Variants in GAREM1 observed in about 807,000 individuals in gnomAD.
The protein encoded by GAREM1 is GRB2 associated regulator of MAPK1 subtype 1, also known as GRB2-associated and regulator of MAPK protein 1.
Under a neutral mutation model 71.3 loss-of-function variants are expected in GAREM1, and 26 were observed. The observed-to-expected ratio is 0.36, with a 90% confidence interval of 0.27 to 0.51. The LOEUF is 0.51. Ranked by LOEUF, GAREM1 falls within the 20% of genes least tolerant of loss-of-function variation. The pLI is 0.95. For synonymous variants in GAREM1, 440 were observed against 433.2 expected, an observed-to-expected ratio of 1.02 and a Z score of -0.20; for missense variants, 1,026 against 1,103.1, an observed-to-expected ratio of 0.93 and a Z score of 0.99.
At chr18:32,378,057 T>TGTGCGCGC (rs1293817110) in intron 2 of GAREM1, among the ~76,000 whole-genome samples, 1 of 127,526 alleles carries the variant, frequency 7.8e-6, no homozygotes, top group African/African-American at 3.0e-5. Flanking sequence ...TGTGTGTGTG[T>TGTGCGCGC]GCGCGCGGGC....
intron 2 of GAREM1, among the ~76,000 whole-genome samples, chr18:32,376,930 G>A (rs867951022): frequency 2.0e-5 from 3 of 152,176 alleles, no homozygotes; most frequent in South Asian, 2.1e-4. Flanking sequence ...ACACTTACAT[G>A]ATGTTTAGTA....
chr18:32,324,422 C>T (rs1331115145), intron 2 of GAREM1, among the ~76,000 whole-genome samples: 3 of 152,034 alleles, frequency 2.0e-5, no homozygotes, highest in Non-Finnish European at 4.4e-5. Context: ...AGAGGAGAGA[C>T]AATAATACAA....
In GAREM1 at chr18:32,312,414, T is replaced by C. The variant is rs751116923; in HGVS notation, c.263-2091A>G. Among the ~76,000 whole-genome samples, 3 of 152,088 alleles carry C rather than the reference T, an allele frequency of 2.0e-5. No individual in the cohort carries two copies. The East Asian group carries it at 5.8e-4, about 29-fold the overall frequency. ...TGGTGAGTGGGTGTCAAATGCTGCT[T>C]ACAGGACAGTGAAATGAGGGCTGAA... On this transcript the variant is annotated intron_variant, in intron 2 of 5. Coordinates refer to ENST00000269209, the MANE Select transcript of GAREM1 (RefSeq NM_001242409.2).
chr18:32,358,256 G>A (rs917930068), intron 2 of GAREM1, among the ~76,000 whole-genome samples: 1 of 151,846 alleles, frequency 6.6e-6, no homozygotes, highest in African/African-American at 2.4e-5. Flanking sequence ...GGGACTCCCA[G>A]TCTGCCATGC....
At chr18:32,437,315 T>A (rs553953554) in intron 1 of GAREM1, among the ~76,000 whole-genome samples, 64 of 152,286 alleles carry the variant, frequency 4.2e-4, no homozygotes, top group African/African-American at 1.4e-3. Flanking sequence ...TGGGATGGCA[T>A]CATCTCAGGG....
At chr18:32,286,183 A>T (rs904464896) in intron 4 of GAREM1, among the ~76,000 whole-genome samples, 4 of 152,234 alleles carry the variant, frequency 2.6e-5, no homozygotes, top group African/African-American at 9.6e-5. Context: ...TGCCAATTGA[A>T]GAACATGGTC....
intron 2 of GAREM1, among the ~76,000 whole-genome samples, chr18:32,381,983 A>T (rs2048102282): frequency 6.6e-6 from 1 of 152,180 alleles, no homozygotes; most frequent in South Asian, 2.1e-4. Flanking sequence ...CACCTGTTAG[A>T]GCACTCACAA....
intron 2 of GAREM1, among the ~76,000 whole-genome samples, chr18:32,379,609 C>G (rs889148665): frequency 6.6e-6 from 1 of 150,726 alleles, no homozygotes; most frequent in African/African-American, 2.4e-5. Flanking sequence ...GAGGCTGAGG[C>G]AAGGAAAATC....
intron 2 of GAREM1, among the ~76,000 whole-genome samples, chr18:32,358,003 A>G (rs1189165044): frequency 6.6e-6 from 1 of 152,204 alleles, no homozygotes; most frequent in Non-Finnish European, 1.5e-5. Flanking sequence ...ACTGCCTTTA[A>G]AATTACTTTA....
intron 2 of GAREM1, among the ~76,000 whole-genome samples, chr18:32,318,158 G>A (rs1315645695): frequency 6.6e-6 from 1 of 152,116 alleles, no homozygotes; most frequent in Non-Finnish European, 1.5e-5. Context: ...CCAATGACAT[G>A]CTCGCTGATT....
intron 2 of GAREM1, among the ~76,000 whole-genome samples, chr18:32,315,734 A>G (rs2047372348): frequency 6.6e-6 from 1 of 151,980 alleles, no homozygotes; most frequent in Non-Finnish European, 1.5e-5. Context: ...GTACTGTTCA[A>G]GTCGTTAAAT....
At position 32,380,166 on chromosome 18, in the gene GAREM1, A is replaced by G. The variant is rs146110216; in HGVS notation, c.262+12729T>C. Among the ~76,000 whole-genome samples the G allele has an allele frequency of 6.1e-3, 927 of 152,234 alleles. 11 individuals carry two copies. The highest frequency in any genetic ancestry group is 0.021 in the African/African-American group (886 of 41,526). On this transcript the variant is annotated intron_variant, in intron 2 of 5. Transcript: ENST00000269209. ...CATTTTTCTATAAGTCTGAGCAATG[A>G]CTGGTTATGATTTAGAAATCAAGTC...
At chr18:32,390,416 T>C (rs1189076245) in intron 2 of GAREM1, among the ~76,000 whole-genome samples, 3 of 152,222 alleles carry the variant, frequency 2.0e-5, no homozygotes, top group Non-Finnish European at 4.4e-5. Flanking sequence ...CAGACACTCA[T>C]GACCAGCGAT....
At chr18:32,456,612 G>A (rs73954816) in intron 1 of GAREM1, among the ~76,000 whole-genome samples, 31,420 of 151,982 alleles carry the variant, frequency 0.21, 3,713 homozygotes, top group African/African-American at 0.32. Flanking sequence ...TTTTCCCTAA[G>A]ATTATTTAGT....
At chr18:32,413,290 T>A in intron 1 of GAREM1, 1 of 1,299,734 alleles carries the variant, frequency 7.7e-7, no homozygotes, top group Non-Finnish European at 1.1e-6. Context: ...TCACTCACAT[T>A]AAGTAGATTT....
At chr18:32,446,964 G>A (rs1189195822) in intron 1 of GAREM1, among the ~76,000 whole-genome samples, 1 of 152,156 alleles carries the variant, frequency 6.6e-6, no homozygotes, top group African/African-American at 2.4e-5. Flanking sequence ...ATTAAAGAAC[G>A]TTTACTGTAT....
chr18:32,470,682 GCCGCGCGGCTGCGGGCGGCGGCGGCGGC>G lies in GAREM1; in HGVS notation c.-282_-255del, dbSNP rs1194512649. ...TCACGCCCGGAGAAGACTCAGAGCA[GCCGCGCGGCTGCGGGCGGCGGCGGCGGC>G]CCGGGTGGCTGCGGCGGCTCCCGCT... On this transcript the variant is annotated 5_prime_UTR_variant, in exon 1 of 6. An upstream open reading frame in the 5' UTR gains an earlier in-frame stop. Coordinates refer to ENST00000269209, the MANE Select transcript of GAREM1 (RefSeq NM_001242409.2). The surrounding 1 kb of genome is among the most constrained non-coding windows in gnomAD (Gnocchi z 4.4). Among the ~76,000 whole-genome samples the G allele has an allele frequency of 6.7e-6, 1 of 149,710 alleles. No homozygotes were observed. The highest frequency in any genetic ancestry group is 2.4e-5 in the African/African-American group (1 of 41,126).
At chr18:32,314,913 T>C (rs890004611) in intron 2 of GAREM1, among the ~76,000 whole-genome samples, 4 of 152,154 alleles carry the variant, frequency 2.6e-5, no homozygotes, top group Non-Finnish European at 4.4e-5. Flanking sequence ...AAATTATAGA[T>C]TTGGAATATG....
intron 2 of GAREM1, among the ~76,000 whole-genome samples, chr18:32,370,316 T>C (rs2047965795): frequency 6.6e-6 from 1 of 150,976 alleles, no homozygotes; most frequent in South Asian, 2.1e-4. Flanking sequence ...TAGTCCCAGC[T>C]ACCTGGGAGG....
Sources: gnomAD v4.1 joint callset for allele counts (sites outside exome capture counted in the v4.1 genomes callset) on GRCh38, gnomAD v4.1.1 for gene constraint, Gnocchi (gnomAD v3.1) non-coding constraint, MANE v1.5 for transcripts, NCBI Gene and HGNC (gene_info 2026-07-23, HGNC 2026-07-21) for gene names.